The following CFAP100 variants were observed in gnomAD, a reference collection of about 807,000 sequenced individuals.
CFAP100 encodes cilia- and flagella-associated protein 100.
A neutral mutation model predicts 81.5 loss-of-function variants in CFAP100; 70 were observed. The ratio of observed to expected loss-of-function variants is 0.86; its 90% CI spans 0.71 to 1.05. The LOEUF (loss-of-function observed/expected upper bound fraction) is 1.05, where lower values mean the gene tolerates loss of function less well. Among genes scored for constraint, CFAP100 ranks in the 50% least tolerant of loss-of-function variants. CFAP100 has a pLI of 0.00. For missense variants in CFAP100, 811 were observed against 776.5 expected (o/e 1.04, Z -0.53); for synonymous variants, 341 against 314.8 (o/e 1.08, Z -0.88).
Position 126,436,405 on chromosome 3 carries a change from T to A in CFAP100, c.*1T>A. 6.2e-7 allele frequency: 1 copy of A among 1,608,644 alleles called. No homozygotes were observed. Among genetic ancestry groups the A allele is most frequent in the South Asian group, 1.1e-5 (1 of 90,704 alleles). ...GGAGCTGCTATTTTTCTTTACTTAA[T>A]CTTCGCAGACCATAGCTGTTCTGGC... On this transcript the variant is annotated 3_prime_UTR_variant, in exon 17 of 17. Transcript: ENST00000352312.
chr3:126,413,834 G>A (rs115522342), intron 3 of CFAP100, among the ~76,000 whole-genome samples: 100 of 152,370 alleles, frequency 6.6e-4, no homozygotes, highest in African/African-American at 2.3e-3. Flanking sequence ...TGTGAGACAA[G>A]GCTGTGCTCA....
chr3:126,400,004 C>G (rs145629521), intron 2 of CFAP100, among the ~76,000 whole-genome samples: 4 of 152,172 alleles, frequency 2.6e-5, no homozygotes, highest in Non-Finnish European at 5.9e-5. Flanking sequence ...ATTGTTCCAA[C>G]TCCAGGGTCT....
chr3:126,409,320 C>T (rs1163031236), intron 3 of CFAP100, among the ~76,000 whole-genome samples: 3 of 152,232 alleles, frequency 2.0e-5, no homozygotes, highest in African/African-American at 7.2e-5. Flanking sequence ...ATTGCTGCAC[C>T]TAGCCAGAGT....
chr3:126,433,042 T>TG (rs768976477), intron 13 of CFAP100, 27 bp from the exon 14 acceptor site: 16 of 1,613,118 alleles, frequency 9.9e-6, no homozygotes, highest in Non-Finnish European at 1.4e-5. Flanking sequence ...GAGTGACTGA[T>TG]GCCCTGCCGG....
At chr3:126,418,436 C>A (rs762105257) in intron 5 of CFAP100, 22 bp from the exon 6 acceptor site, 7 of 1,613,150 alleles carry the variant, frequency 4.3e-6, no homozygotes, top group Non-Finnish European at 5.9e-6. Flanking sequence ...CGCTCCTGCT[C>A]ACCTCCCTCT....
chr3:126,432,929 T>C, intron 13 of CFAP100, 140 bp from the exon 14 acceptor site: 1 of 773,004 alleles, frequency 1.3e-6, no homozygotes, highest in South Asian at 3.1e-5. Context: ...CCCCTGGGCA[T>C]GCAGAGACTT....
intron 13 of CFAP100, among the ~76,000 whole-genome samples, chr3:126,430,439 A>G (rs1001943914): frequency 5.3e-5 from 8 of 152,194 alleles, no homozygotes; most frequent in African/African-American, 1.7e-4. Context: ...GATCTTATAA[A>G]TTATATGAAT....
intron 3 of CFAP100, among the ~76,000 whole-genome samples, chr3:126,410,557 A>T (rs2083138683): frequency 6.6e-6 from 1 of 151,496 alleles, no homozygotes; most frequent in African/African-American, 2.4e-5. Context: ...GCTGGAGTGC[A>T]GTGGTGCCAT....
At chr3:126,403,112 G>A (rs373119319) in intron 2 of CFAP100, among the ~76,000 whole-genome samples, 1 of 152,160 alleles carries the variant, frequency 6.6e-6, no homozygotes, top group African/African-American at 2.4e-5. Context: ...CTCAGTTGGC[G>A]ATGTGTAGGT....
chr3:126,434,411 T>C (rs755091113), intron 15 of CFAP100, 30 bp downstream of exon 15: 1 of 1,598,162 alleles, frequency 6.3e-7, no homozygotes, highest in South Asian at 1.1e-5. Context: ...TGCCAGCTGC[T>C]GTGTCCTGGC....
intron 13 of CFAP100, among the ~76,000 whole-genome samples, chr3:126,431,760 C>T (rs1012844941): frequency 2.6e-5 from 4 of 152,076 alleles, no homozygotes; most frequent in African/African-American, 9.7e-5. Context: ...CCTTGCCATC[C>T]ATTTGTTGAA....
chr3:126,411,703 T>C (rs2083159495), intron 3 of CFAP100, among the ~76,000 whole-genome samples: 2 of 152,156 alleles, frequency 1.3e-5, no homozygotes, highest in African/African-American at 2.4e-5. Flanking sequence ...CACATACATG[T>C]TCGTAGTAGT....
chr3:126,400,240 G>T (rs1028509242), intron 2 of CFAP100, among the ~76,000 whole-genome samples: 1 of 152,048 alleles, frequency 6.6e-6, no homozygotes, highest in Non-Finnish European at 1.5e-5. Flanking sequence ...CTCAAAAGAC[G>T]ATATGCAAAT....
rs1431306828 is a variant in CFAP100, at chr3:126,423,308, C to T, written c.1083-17C>T. On this transcript the variant is annotated splice_polypyrimidine_tract_variant and intron_variant, in intron 11 of 16. Transcript: ENST00000352312. Reference sequence around the variant, plus strand: ...TCAGGCTGGTCCCAGAGTCCCGACCCTGCCATCTCTTCGCAGGTCGAACTC... The same window carrying T: ...TCAGGCTGGTCCCAGAGTCCCGACCTTGCCATCTCTTCGCAGGTCGAACTC... 2 of 1,610,136 alleles carry T rather than the reference C, an allele frequency of 1.2e-6. No individual in the cohort carries two copies. Among genetic ancestry groups the T allele is most frequent in the African/African-American group, 2.7e-5 (2 of 74,890 alleles).
intron 2 of CFAP100, among the ~76,000 whole-genome samples, chr3:126,406,404 C>A (rs2083064664): frequency 1.3e-5 from 2 of 152,160 alleles, no homozygotes; most frequent in Admixed American, 6.5e-5. Flanking sequence ...GGACTGGCAC[C>A]CTGAGCAGCC....
At chr3:126,432,965 G>C (rs1178445823) in intron 13 of CFAP100, 104 bp from the exon 14 acceptor site, 1 of 1,376,104 alleles carries the variant, frequency 7.3e-7, no homozygotes, top group Non-Finnish European at 9.9e-7. Context: ...TCAGCCCTCA[G>C]GACAGCTGGT....
intron 13 of CFAP100, among the ~76,000 whole-genome samples, chr3:126,430,423 T>TATAA (rs1476925085): frequency 6.6e-6 from 1 of 152,182 alleles, no homozygotes; most frequent in Non-Finnish European, 1.5e-5. Context: ...CCAATTACAC[T>TATAA]GATTTGATCT....
intron 13 of CFAP100, among the ~76,000 whole-genome samples, chr3:126,427,414 T>C (rs573057924): frequency 2.6e-4 from 39 of 152,318 alleles, no homozygotes; most frequent in African/African-American, 8.9e-4. Flanking sequence ...GAGCAATGGA[T>C]AACCAAAGTA....
At chr3:126,398,350 A>G (rs1023517322) in intron 2 of CFAP100, among the ~76,000 whole-genome samples, 16 of 152,236 alleles carry the variant, frequency 1.1e-4, no homozygotes, top group African/African-American at 2.9e-4. Flanking sequence ...CCTGAGCCTC[A>G]CTGTGGGTGT....
Sources: allele counts gnomAD v4.1 joint callset (sites outside exome capture counted in the v4.1 genomes callset), GRCh38; gene constraint gnomAD v4.1.1; transcripts MANE v1.5; gene names NCBI Gene and HGNC (gene_info 2026-07-23, HGNC 2026-07-21).